The following CEP95 variants were observed in gnomAD, a reference collection of about 807,000 sequenced individuals.
CEP95 encodes centrosomal protein of 95 kDa.
Under a neutral mutation model 111.2 loss-of-function variants are expected in CEP95, and 98 were observed. The observed-to-expected ratio is 0.88, with a 90% CI of 0.75 to 1.04. The LOEUF is 1.04. CEP95 is among the 50% of genes least tolerant of loss of function. The probability of loss-of-function intolerance (pLI) is 0.00; values close to 1 mark genes in which losing one functional copy is unlikely to be tolerated. For missense variants in CEP95, 1,027 were observed against 977.2 expected (o/e 1.05, Z -0.68); for synonymous variants, 323 against 327.1 (o/e 0.99, Z 0.14).
At chr17:64,507,781 C>T in intron 1 of CEP95, 2 of 985,480 alleles carry the variant, frequency 2.0e-6, no homozygotes, top group East Asian at 1.1e-4. Context: ...CAGAACGTTA[C>T]GTGTCCAGAA....
chr17:64,532,967 G>T lies in CEP95; in HGVS notation c.1801G>T (p.Ala601Ser), dbSNP rs782043221. 7.4e-6 allele frequency: 12 copies of T among 1,613,614 alleles called. No homozygotes were observed. In the East Asian group the frequency reaches 2.7e-4, roughly 36 times the overall value. ...IAQVEQLKKE[A>S]CRENRSKKKL... Reference sequence around the variant, plus strand: ...ACAGGTTGAACAGCTTAAGAAAGAAGCATGTAGAGAAAATCGATCAAAGAA... The same window carrying T: ...ACAGGTTGAACAGCTTAAGAAAGAATCATGTAGAGAAAATCGATCAAAGAA... The change falls in exon 15 of 20, where the codon GCA (alanine) becomes TCA (serine). Residue 601 changes from alanine to serine, a missense_variant. Transcript: ENST00000556440.
At position 64,533,177 on chromosome 17, in the gene CEP95, C is replaced by G. The variant is rs914581816; in HGVS notation, c.1903C>G (p.His635Asp). Residue 635 changes from histidine to aspartate, a missense_variant, in exon 16 of 20, where the codon CAT (histidine) becomes GAT (aspartate). Coordinates refer to ENST00000556440, the MANE Select transcript of CEP95 (RefSeq NM_138363.3). ...TACCCTTGTCAAGAAAGAATATGAA[C>G]ATAACAAGAGACTGGTATGTCAAGA... ...LTTLVKKEYE[H>D]NKRLQDFKDC... 12 of 1,586,884 alleles carry G rather than the reference C, an allele frequency of 7.6e-6. No individual in the cohort carries two copies. The highest frequency in any genetic ancestry group is 1.4e-5 in the African/African-American group (1 of 72,782).
Position 64,519,304 on chromosome 17 carries a change from G to A in CEP95, c.474-17G>A. The A allele has an allele frequency of 1.9e-6, 3 of 1,594,258 alleles. No homozygotes were observed. The highest frequency in any genetic ancestry group is 2.6e-6 in the Non-Finnish European group (3 of 1,162,004). On this transcript the variant is annotated splice_polypyrimidine_tract_variant and intron_variant, in intron 5 of 19. Coordinates refer to ENST00000556440, the MANE Select transcript of CEP95 (RefSeq NM_138363.3). ...CTGGTCAGGCTGGGCCCTGAGTGAAGGAGGGAACTTTTCCAGGTGCTCCTT... is the reference window on the plus strand; with the variant it reads ...CTGGTCAGGCTGGGCCCTGAGTGAAAGAGGGAACTTTTCCAGGTGCTCCTT...
chr17:64,533,989 T>G (rs1968466737), intron 16 of CEP95: 1 of 152,326 alleles, frequency 6.6e-6, no homozygotes, highest in Non-Finnish European at 1.5e-5. Context: ...AGAAACAATC[T>G]GCCAAAGGGA....
At chr17:64,519,279 C>CT in intron 5 of CEP95, 42 bp from the exon 6 acceptor site, 1 of 1,388,524 alleles carries the variant, frequency 7.2e-7, no homozygotes, top group Admixed American at 1.7e-5. Flanking sequence ...GAAGGGCCCT[C>CT]TGGTCAGGCT....
intron 7 of CEP95, among the ~76,000 whole-genome samples, chr17:64,521,942 C>T (rs988543282): frequency 3.0e-4 from 45 of 152,074 alleles, no homozygotes; most frequent in African/African-American, 9.2e-4. Context: ...CTGCAACCTC[C>T]GCCTCCTGGG....
intron 6 of CEP95, among the ~76,000 whole-genome samples, chr17:64,520,000 G>C (rs893307134): frequency 6.6e-6 from 1 of 152,168 alleles, no homozygotes; most frequent in Admixed American, 6.6e-5. Context: ...GTCTTGGAAT[G>C]TTCTCCCTTA....
chr17:64,529,100 A>C (rs1416242876), intron 11 of CEP95, among the ~76,000 whole-genome samples, 188 bp from the exon 12 acceptor site: 1 of 152,226 alleles, frequency 6.6e-6, no homozygotes, highest in Non-Finnish European at 1.5e-5. Context: ...TATTTGAGAC[A>C]GTACACATTT....
chr17:64,535,621 G>A (rs1555681393), intron 17 of CEP95: 2 of 152,246 alleles, frequency 1.3e-5, no homozygotes, highest in African/African-American at 4.8e-5. Context: ...TGGCAAGGAT[G>A]TGGAGAACTT....
chr17:64,532,513 A>G (rs1268912893), intron 14 of CEP95: 6 of 985,272 alleles, frequency 6.1e-6, no homozygotes, highest in Non-Finnish European at 7.2e-6. Context: ...TTTTTCTTCT[A>G]AGCACTTGCC....
chr17:64,532,224 T>C, intron 14 of CEP95: 1 of 1,243,690 alleles, frequency 8.0e-7, no homozygotes, highest in Non-Finnish European at 1.0e-6. Context: ...GAGGCCTATA[T>C]ATTGGCACCC....
chr17:64,506,922 G>C (rs1186853931), upstream of CEP95: 8 of 741,176 alleles, frequency 1.1e-5, no homozygotes, highest in Middle Eastern at 3.6e-4. Context: ...GTGCTCCTCT[G>C]ATGACCAATC....
At chr17:64,535,107 G>A in intron 17 of CEP95, 1 of 240,646 alleles carries the variant, frequency 4.2e-6, no homozygotes. Context: ...GCTGTGCTGT[G>A]AGGGGTTTTC....
At chr17:64,506,960 T>TCCTTCTTTCACGCCTCCTTCC, upstream of CEP95, 1 of 910,922 alleles carries the variant, frequency 1.1e-6, no homozygotes, top group Non-Finnish European at 1.8e-6. Flanking sequence ...TTAACGTCCG[T>TCCTTCTTTCACGCCTCCTTCC]CCTTCTTTCA....
At position 64,516,807 on chromosome 17, in the gene CEP95, GGAAAAGAGTTTCTTT is replaced by G. The variant is rs1966891957; in HGVS notation, c.453_467del (p.Trp151_Phe156delinsCys). On this transcript the variant is annotated inframe_deletion, in exon 5 of 20. Coordinates refer to ENST00000556440, the MANE Select transcript of CEP95 (RefSeq NM_138363.3). ...AGTACTAAAGAATCTAAATCATCAT[GGAAAAGAGTTTCTTT>G]TGGGAGGTAGCACTTAGTGTCTCTG... is the stretch of plus-strand genomic sequence containing the variant. 1 of 1,605,636 alleles carries G rather than the reference GGAAAAGAGTTTCTTT, an allele frequency of 6.2e-7. No individual in the cohort carries two copies. The highest frequency in any genetic ancestry group is 1.1e-5 in the South Asian group (1 of 90,710).
chr17:64,510,066 C>A, intron 2 of CEP95, 107 bp from the exon 3 acceptor site: 1 of 665,592 alleles, frequency 1.5e-6, no homozygotes, highest in Admixed American at 2.4e-5. Context: ...TCTGTTTGGG[C>A]AGAGCCTTTA....
At chr17:64,518,771 C>G (rs1423331394) in intron 5 of CEP95, among the ~76,000 whole-genome samples, 1 of 152,020 alleles carries the variant, frequency 6.6e-6, no homozygotes, top group Admixed American at 6.6e-5. Flanking sequence ...ACCTCTGCCT[C>G]CCAGGTTCAA....
rs1568154596 is a variant in CEP95, at chr17:64,532,888, GTTTC to G, written c.1726_1729del (p.Leu576MetfsTer7). 29 of 1,613,794 alleles carry G rather than the reference GTTTC, an allele frequency of 1.8e-5. No homozygotes were observed. Among genetic ancestry groups the G allele is most frequent in the Non-Finnish European group, 2.4e-5 (28 of 1,179,822 alleles). On this transcript the variant is annotated frameshift_variant, in exon 15 of 20. Transcript: ENST00000556440. LOFTEE classifies it high-confidence loss of function. ...TGCCCCTTATGCTGGAGCAGTTTCCGTTTCTTTATGTTTCTGGCCCAACACTAAG... is the reference window on the plus strand; with the variant it reads ...TGCCCCTTATGCTGGAGCAGTTTCCGTTTATGTTTCTGGCCCAACACTAAG...
chr17:64,507,239 C>G, intron 1 of CEP95, 123 bp downstream of exon 1: 1 of 1,520,614 alleles, frequency 6.6e-7, no homozygotes, highest in South Asian at 1.2e-5. Flanking sequence ...GACGCCGCGT[C>G]GCGCTGGCGG....
Sources: allele counts gnomAD v4.1 joint callset (sites outside exome capture counted in the v4.1 genomes callset), GRCh38; gene constraint gnomAD v4.1.1; transcripts MANE v1.5; gene names NCBI Gene and HGNC (gene_info 2026-07-23, HGNC 2026-07-21).